Variants in RAPGEF4 observed in about 807,000 individuals in gnomAD.
RAPGEF4 encodes the protein RAP guanine-nucleotide-exchange factor (GEF) 4.
In RAPGEF4, 66 loss-of-function variants were observed where a neutral mutation model predicts 147.9. The observed-to-expected ratio is 0.45, with a 90% confidence interval of 0.37 to 0.55. The LOEUF is 0.55. RAPGEF4 is among the 20% of genes least tolerant of loss of function. The pLI, the probability that RAPGEF4 is intolerant of heterozygous loss-of-function variation, is 0.00. For missense variants in RAPGEF4, 1,071 were observed against 1,257.3 expected, an observed-to-expected ratio of 0.85 and a Z score of 2.24; for synonymous variants, 419 against 442.7, an observed-to-expected ratio of 0.95 and a Z score of 0.67.
chr2:172,833,514 C>T (rs1432448719), intron 4 of RAPGEF4, among the ~76,000 whole-genome samples: 1 of 151,978 alleles, frequency 6.6e-6, no homozygotes, highest in Non-Finnish European at 1.5e-5. Flanking sequence ...ATTTTTATTA[C>T]TTCGCTTTGT....
chr2:172,795,092 G>C lies in RAPGEF4; in HGVS notation c.133G>C (p.Glu45Gln). The C allele has an allele frequency of 6.2e-7, 1 of 1,613,584 alleles. No homozygotes were observed. Among genetic ancestry groups the C allele is most frequent in the Non-Finnish European group, 8.5e-7 (1 of 1,179,542 alleles). Reference sequence around the variant, plus strand: ...TCGACTGAAAGAAGTTAAAGCTTTTGAGAAATTTCACCCAAATCTCCTTCA... The same window carrying C: ...TCGACTGAAAGAAGTTAAAGCTTTTCAGAAATTTCACCCAAATCTCCTTCA... ...FTRLKEVKAFEKFHPNLLHQI... is the reference protein window; with the variant it reads ...FTRLKEVKAFQKFHPNLLHQI... The change falls in exon 2 of 31, where the codon GAG becomes CAG. Residue 45 changes from glutamate to glutamine, a missense_variant. Coordinates refer to ENST00000397081, the MANE Select transcript of RAPGEF4 (RefSeq NM_007023.4).
intron 7 of RAPGEF4, 150 bp downstream of exon 7, chr2:172,960,963 C>T (rs1264469131): frequency 1.2e-6 from 1 of 852,864 alleles, no homozygotes; most frequent in East Asian, 2.5e-5. Context: ...TCAACATAAA[C>T]CAGTGACATA....
intron 29 of RAPGEF4, among the ~76,000 whole-genome samples, chr2:173,037,647 GCTTAATAT>G (rs1449723058): frequency 6.6e-6 from 1 of 152,162 alleles, no homozygotes; most frequent in Non-Finnish European, 1.5e-5. Context: ...GTGTTGGAGT[GCTTAATAT>G]CTCTGTGGGT....
At chr2:172,961,345 G>C (rs977331173) in intron 8 of RAPGEF4, 117 bp downstream of exon 8, 2 of 738,190 alleles carry the variant, frequency 2.7e-6, no homozygotes, top group African/African-American at 3.5e-5. Flanking sequence ...AATGCCTTCA[G>C]GTTCTGGAAG....
chr2:172,870,781 A>G (rs1023584473), intron 4 of RAPGEF4, among the ~76,000 whole-genome samples: 13 of 152,152 alleles, frequency 8.5e-5, no homozygotes, highest in African/African-American at 2.9e-4. Context: ...TTTCCTATCT[A>G]TAAATTGAGA....
rs74770761 is a variant in RAPGEF4 at position 172,822,041 on chromosome 2, G to C, written c.444+7616G>C. ...GAGTGGGGAAATACTACATGTTACT[G>C]TTTGCATTTTGGAATTATGCTCAAA... is the stretch of plus-strand genomic sequence containing the variant. On this transcript the variant is annotated intron_variant, in intron 4 of 30. Coordinates refer to ENST00000397081, the MANE Select transcript of RAPGEF4 (RefSeq NM_007023.4). 4,161 of 1,577,158 alleles carry C rather than the reference G, an allele frequency of 2.6e-3. 104 individuals are homozygous for C. In the African/African-American group the frequency reaches 0.051, roughly 19 times the overall value.
Position 172,912,408 on chromosome 2 carries a change from C to G in RAPGEF4, c.445-5394C>G, listed in dbSNP as rs1034736999. 2.0e-5 allele frequency among the ~76,000 whole-genome samples: 3 copies of G among 152,228 alleles called. No homozygotes were observed. The East Asian group carries it at 5.8e-4, about 29-fold the overall frequency. ...TAAGATTCTTTTAAAAAGTCTTTTGCGTATCTAAAACAATCTGTGAAGCAC... is the reference window on the plus strand; with the variant it reads ...TAAGATTCTTTTAAAAAGTCTTTTGGGTATCTAAAACAATCTGTGAAGCAC... On this transcript the variant is annotated intron_variant, in intron 4 of 30. Transcript: ENST00000397081.
intron 6 of RAPGEF4, among the ~76,000 whole-genome samples, chr2:172,925,777 A>AAGAGAGAGAGAGAGAGAGAGAGAGAGAG (rs67773579): frequency 3.7e-5 from 5 of 133,802 alleles, no homozygotes; most frequent in Non-Finnish European, 7.8e-5. Context: ...GAAAGAAAGA[A>AAGAGAGAGAGAGAGAGAGAGAGAGAGAG]AGAGAGAGAG....
chr2:172,915,055 G>A (rs1683907820), intron 4 of RAPGEF4, among the ~76,000 whole-genome samples: 1 of 152,158 alleles, frequency 6.6e-6, no homozygotes, highest in African/African-American at 2.4e-5. Flanking sequence ...GCGTTCTGCA[G>A]GGTGCTACAT....
chr2:172,896,852 G>A (rs1698531140), intron 4 of RAPGEF4, among the ~76,000 whole-genome samples: 1 of 152,142 alleles, frequency 6.6e-6, no homozygotes, highest in Admixed American at 6.5e-5. Context: ...TTCTCCTTTT[G>A]TTTGGAAAAA....
At chr2:172,955,871 C>T (rs1227404320) in intron 6 of RAPGEF4, among the ~76,000 whole-genome samples, 3 of 152,156 alleles carry the variant, frequency 2.0e-5, no homozygotes, top group East Asian at 3.9e-4. Flanking sequence ...GTGGCCACTG[C>T]GACATCTTCT....
intron 4 of RAPGEF4, among the ~76,000 whole-genome samples, chr2:172,863,440 T>G (rs2149785245): frequency 6.6e-6 from 1 of 152,248 alleles, no homozygotes; most frequent in Non-Finnish European, 1.5e-5. Flanking sequence ...ATAATAAGGC[T>G]CTTCTGCAAT....
At position 172,763,671 on chromosome 2, in the gene RAPGEF4, C is replaced by T. The variant is rs74798192; in HGVS notation, c.65+27623C>T. Reference sequence around the variant, plus strand: ...TACATGAATTGTGAATTAATCATTTCGACTCAGTGATATATGGATTAGGAA... The same window carrying T: ...TACATGAATTGTGAATTAATCATTTTGACTCAGTGATATATGGATTAGGAA... On this transcript the variant is annotated intron_variant, in intron 1 of 30. Coordinates refer to ENST00000397081, the MANE Select transcript of RAPGEF4 (RefSeq NM_007023.4). 2.5e-3 allele frequency among the ~76,000 whole-genome samples: 386 copies of T among 152,206 alleles called. 3 individuals are homozygous for T. The highest frequency in any genetic ancestry group is 8.6e-3 in the African/African-American group (358 of 41,538).
chr2:172,898,240 A>G (rs1698720594), intron 4 of RAPGEF4, among the ~76,000 whole-genome samples: 1 of 152,178 alleles, frequency 6.6e-6, no homozygotes, highest in African/African-American at 2.4e-5. Context: ...AGATATCCAC[A>G]TGATATGATG....
intron 1 of RAPGEF4, among the ~76,000 whole-genome samples, chr2:172,752,361 C>A (rs1256791401): frequency 6.6e-6 from 1 of 152,138 alleles, no homozygotes; most frequent in Non-Finnish European, 1.5e-5. Flanking sequence ...CCACCATCTG[C>A]CTTTTGATAA....
chr2:172,965,474 T>G, intron 8 of RAPGEF4, 88 bp from the exon 9 acceptor site: 1 of 1,435,852 alleles, frequency 7.0e-7, no homozygotes. Context: ...ATTAAGCCCT[T>G]TGGTAGGTTT....
At chr2:172,849,733 ATC>A (rs1022360264) in intron 4 of RAPGEF4, among the ~76,000 whole-genome samples, 1 of 152,210 alleles carries the variant, frequency 6.6e-6, no homozygotes, top group African/African-American at 2.4e-5. Context: ...GACCACTAAG[ATC>A]TCTTAGTGAC....
At chr2:173,035,995 C>G (rs1339773791) in intron 27 of RAPGEF4, 130 bp from the exon 28 acceptor site, 7 of 687,458 alleles carry the variant, frequency 1.0e-5, no homozygotes, top group Non-Finnish European at 1.8e-5. Context: ...GTGACCCACA[C>G]AATTCAAACC....
intron 5 of RAPGEF4, among the ~76,000 whole-genome samples, chr2:172,920,290 G>A (rs569585535): frequency 3.3e-5 from 5 of 151,952 alleles, no homozygotes; most frequent in African/African-American, 9.7e-5. Flanking sequence ...ATGTCACCAG[G>A]CATTTTTGAA....
Sources: allele counts gnomAD v4.1 joint callset (sites outside exome capture counted in the v4.1 genomes callset), GRCh38; gene constraint gnomAD v4.1.1; transcripts MANE v1.5; gene names NCBI Gene and HGNC (gene_info 2026-07-23, HGNC 2026-07-21).